ARHGAP26: variants seen among roughly 807,000 people sequenced by gnomAD.
The protein encoded by ARHGAP26 is Rho GTPase activating protein 26.
In ARHGAP26, 38 loss-of-function variants were observed where a neutral mutation model predicts 104.8. The observed-to-expected ratio is 0.36, with a 90% confidence interval of 0.28 to 0.48. ARHGAP26 has a LOEUF of 0.48. Among genes scored for constraint, ARHGAP26 ranks in the 20% least tolerant of loss-of-function variants. ARHGAP26 has a pLI of 0.99. For missense variants in ARHGAP26, 704 were observed against 947.9 expected, an observed-to-expected ratio of 0.74 and a Z score of 3.38; for synonymous variants, 341 against 340.0, an observed-to-expected ratio of 1.00 and a Z score of -0.03.
chr5:143,190,087 A>G (rs1805730343), intron 20 of ARHGAP26, among the ~76,000 whole-genome samples: 1 of 151,978 alleles, frequency 6.6e-6, no homozygotes, highest in South Asian at 2.1e-4. Context: ...TCCTAATACA[A>G]TATGTGCTGA....
chr5:142,860,110 G>A (rs1165011848), intron 1 of ARHGAP26: 3 of 152,234 alleles, frequency 2.0e-5, no homozygotes, highest in Admixed American at 2.0e-4. Context: ...CATCCCGGTT[G>A]TTGTTCCTGT....
chr5:142,979,880 G>C (rs1265681688), intron 11 of ARHGAP26, among the ~76,000 whole-genome samples: 1 of 152,190 alleles, frequency 6.6e-6, no homozygotes, highest in Non-Finnish European at 1.5e-5. Context: ...TAAATCCCTG[G>C]CCAGCAGCTG....
chr5:143,077,381 G>A (rs1314160702), intron 17 of ARHGAP26, among the ~76,000 whole-genome samples: 19 of 152,224 alleles, frequency 1.2e-4, no homozygotes, highest in Admixed American at 1.2e-3. Flanking sequence ...TAGGATTACA[G>A]ATGGGCTGAT....
intron 1 of ARHGAP26, among the ~76,000 whole-genome samples, chr5:142,806,601 G>T (rs1763034127): frequency 6.6e-6 from 1 of 151,954 alleles, no homozygotes; most frequent in South Asian, 2.1e-4. Context: ...TTTGTATTTT[G>T]CCTTCTTCCG....
At position 143,228,067 on chromosome 5, in the gene ARHGAP26, A is replaced by T; in HGVS notation, c.*5621A>T. ...CAGAACCAGAGTATTGATAAACAAAATGTCAGTTACCTGGAGCAGTCCTGG... is the reference window on the plus strand; with the variant it reads ...CAGAACCAGAGTATTGATAAACAAATTGTCAGTTACCTGGAGCAGTCCTGG... On this transcript the variant is annotated 3_prime_UTR_variant, in exon 23 of 23. Transcript: ENST00000645722. The T allele has an allele frequency of 4.5e-6, 1 of 221,720 alleles. No homozygotes were observed. Among genetic ancestry groups the T allele is most frequent in the Non-Finnish European group, 9.0e-6 (1 of 110,730 alleles). The allele number at this position is 221,720 out of a possible 1,614,324, so 13.7% of individuals were successfully genotyped here. A position where few individuals can be genotyped will look rare whatever the true frequency, so the allele number is the denominator to read the frequency against.
At chr5:142,923,087 G>GTTTT (rs3839208) in intron 10 of ARHGAP26, among the ~76,000 whole-genome samples, 54 of 149,000 alleles carry the variant, frequency 3.6e-4, no homozygotes, top group Middle Eastern at 3.4e-3. Context: ...TTGTCATGGA[G>GTTTT]TTTTTTTTTT....
At chr5:143,091,722 A>G (rs938340276) in intron 17 of ARHGAP26, among the ~76,000 whole-genome samples, 5 of 152,178 alleles carry the variant, frequency 3.3e-5, no homozygotes, top group Non-Finnish European at 7.4e-5. Context: ...TTAACCTTTT[A>G]TAATTTTTGT....
At chr5:143,129,004 A>G (rs1343415527) in intron 18 of ARHGAP26, among the ~76,000 whole-genome samples, 30 of 152,218 alleles carry the variant, frequency 2.0e-4, no homozygotes, top group Admixed American at 1.9e-3. Context: ...CATGTGACAG[A>G]TGGGATTGAA....
intron 21 of ARHGAP26, among the ~76,000 whole-genome samples, chr5:143,211,935 T>C (rs1809530863): frequency 6.6e-6 from 1 of 152,208 alleles, no homozygotes; most frequent in African/African-American, 2.4e-5. Flanking sequence ...GTTACTCCTT[T>C]TGAATGATAA....
chr5:143,195,125 A>C (rs1166411649), intron 20 of ARHGAP26, among the ~76,000 whole-genome samples: 27 of 152,194 alleles, frequency 1.8e-4, no homozygotes, highest in Non-Finnish European at 3.2e-4. Context: ...CTTTTCATCA[A>C]AGTTCATCTC....
At chr5:142,996,664 AG>A (rs1314983047) in intron 11 of ARHGAP26, among the ~76,000 whole-genome samples, 4 of 152,024 alleles carry the variant, frequency 2.6e-5, no homozygotes, top group Non-Finnish European at 4.4e-5. Context: ...TGGTGGTTGT[AG>A]GAAGGATAGG....
chr5:142,992,782 C>T (rs1039390294), intron 11 of ARHGAP26, among the ~76,000 whole-genome samples: 11 of 152,098 alleles, frequency 7.2e-5, no homozygotes, highest in Admixed American at 2.0e-4. Flanking sequence ...ATACAGAGAC[C>T]ATATGAATTG....
chr5:142,844,513 T>G (rs1419169449), intron 1 of ARHGAP26, among the ~76,000 whole-genome samples: 1 of 152,132 alleles, frequency 6.6e-6, no homozygotes, highest in Non-Finnish European at 1.5e-5. Flanking sequence ...AAATTCATTT[T>G]CAATTTCAGA....
chr5:142,833,877 A>T, intron 1 of ARHGAP26, among the ~76,000 whole-genome samples: 1 of 152,008 alleles, frequency 6.6e-6, no homozygotes, highest in East Asian at 1.9e-4. Context: ...TCAAACTACC[A>T]CTTGGAAATA....
chr5:143,032,568 G>C (rs529464328), intron 12 of ARHGAP26, among the ~76,000 whole-genome samples: 2 of 152,174 alleles, frequency 1.3e-5, no homozygotes, highest in African/African-American at 2.4e-5. Flanking sequence ...TTTTTCTGTC[G>C]TTAGCAAACG....
intron 1 of ARHGAP26, among the ~76,000 whole-genome samples, chr5:142,779,343 C>T (rs1400108274): frequency 6.6e-6 from 1 of 152,074 alleles, no homozygotes; most frequent in Non-Finnish European, 1.5e-5. Context: ...GATTGGAAGG[C>T]ACAGAATGCT....
At chr5:142,900,950 G>C (rs541879341) in intron 6 of ARHGAP26, among the ~76,000 whole-genome samples, 31 of 152,290 alleles carry the variant, frequency 2.0e-4, no homozygotes, top group Non-Finnish European at 3.5e-4. Context: ...CTTTGTGATA[G>C]AGGTGAGGCA....
At chr5:142,850,980 AC>A (rs1428220675) in intron 1 of ARHGAP26, among the ~76,000 whole-genome samples, 1 of 152,198 alleles carries the variant, frequency 6.6e-6, no homozygotes, top group Non-Finnish European at 1.5e-5. Context: ...TTTTTGTATC[AC>A]CTCTGAGACA....
At chr5:142,802,837 C>T (rs1485182630) in intron 1 of ARHGAP26, among the ~76,000 whole-genome samples, 1 of 152,160 alleles carries the variant, frequency 6.6e-6, no homozygotes, top group African/African-American at 2.4e-5. Flanking sequence ...AATTAGGAGG[C>T]CCAAACCTGA....
Sources: gnomAD v4.1 joint callset for allele counts (sites outside exome capture counted in the v4.1 genomes callset) on GRCh38, gnomAD v4.1.1 for gene constraint, MANE v1.5 for transcripts, NCBI Gene and HGNC (gene_info 2026-07-23, HGNC 2026-07-21) for gene names.